The following MINDY2 variants were observed in gnomAD, a reference collection of about 807,000 sequenced individuals.
The protein encoded by MINDY2 is ubiquitin carboxyl-terminal hydrolase MINDY-2.
Under a neutral mutation model 68.2 loss-of-function variants are expected in MINDY2, and 52 were observed. The observed-to-expected ratio is 0.76, with a 90% confidence interval of 0.61 to 0.96. The LOEUF (loss-of-function observed/expected upper bound fraction) is 0.96. Among genes scored for constraint, MINDY2 ranks in the 40% least tolerant of loss-of-function variants. The pLI, the probability that MINDY2 is intolerant of heterozygous loss-of-function variation, is 0.00. For missense variants in MINDY2, 881 were observed against 773.4 expected (o/e 1.14, Z -1.65); for synonymous variants, 372 against 303.0 (o/e 1.23, Z -2.36).
At chr15:58,832,187 GA>G (rs1204793654) in intron 6 of MINDY2, among the ~76,000 whole-genome samples, 3 of 147,476 alleles carry the variant, frequency 2.0e-5, no homozygotes, top group African/African-American at 5.0e-5. Context: ...CTTTCTGAGA[GA>G]AAAAAAAGAT....
At chr15:58,847,619 C>T (rs1444124585) in intron 7 of MINDY2, 149 bp downstream of exon 7, 1 of 595,862 alleles carries the variant, frequency 1.7e-6, no homozygotes, top group East Asian at 2.8e-5. Context: ...GGTGATCATT[C>T]TACATGTACA....
At chr15:58,778,736 C>T (rs1428982049) in intron 1 of MINDY2, among the ~76,000 whole-genome samples, 1 of 151,804 alleles carries the variant, frequency 6.6e-6, no homozygotes, top group Non-Finnish European at 1.5e-5. Flanking sequence ...AAGCAATCCT[C>T]CCACCTCAGC....
At chr15:58,837,830 A>G (rs1403399640) in intron 6 of MINDY2, among the ~76,000 whole-genome samples, 1 of 151,828 alleles carries the variant, frequency 6.6e-6, no homozygotes, top group Non-Finnish European at 1.5e-5. Context: ...TTAGCCAGGC[A>G]TGGTGGTGTG....
chr15:58,846,732 A>G (rs1235116247), intron 6 of MINDY2, among the ~76,000 whole-genome samples: 1 of 152,184 alleles, frequency 6.6e-6, no homozygotes, highest in African/African-American at 2.4e-5. Flanking sequence ...TACAATCAAT[A>G]CTGGGCAATT....
In MINDY2 at chr15:58,771,972, A is replaced by G; in HGVS notation, c.577A>G (p.Ser193Gly). The G allele has an allele frequency of 6.3e-7, 1 of 1,576,704 alleles. No homozygotes were observed. The highest frequency in any genetic ancestry group is 8.6e-7 in the Non-Finnish European group (1 of 1,163,322). ...TTTTCCCAGTAGCTGCGAGTTCAAT[A>G]GTGAGGAGGGAGCGGAGAACAGGGT... The part of the protein sequence containing the change: ...HSFPSSCEFN[S>G]EEGAENRVPE... Residue 193 changes from serine to glycine, a missense_variant, in exon 1 of 9, where the codon AGT (serine) becomes GGT (glycine). Physicochemically the swap from Ser to Gly is moderately conservative, Grantham distance 56. Transcript: ENST00000559228.
chr15:58,828,575 CTTTTT>C (rs1163905877), intron 5 of MINDY2, among the ~76,000 whole-genome samples: 1 of 106,140 alleles, frequency 9.4e-6, no homozygotes, highest in East Asian at 2.7e-4. Flanking sequence ...TATTGAATTT[CTTTTT>C]TTTTTTTTTT....
At chr15:58,783,389 G>A (rs1475196179) in intron 1 of MINDY2, among the ~76,000 whole-genome samples, 1 of 152,130 alleles carries the variant, frequency 6.6e-6, no homozygotes, top group Non-Finnish European at 1.5e-5. Flanking sequence ...TTGGCTAGTA[G>A]TAATTTTTGT....
chr15:58,776,471 G>A (rs1399790288), intron 1 of MINDY2, among the ~76,000 whole-genome samples: 2 of 152,140 alleles, frequency 1.3e-5, no homozygotes, highest in Non-Finnish European at 2.9e-5. Context: ...TAGAAATAGG[G>A]CAATGTCATG....
At chr15:58,827,719 CG>C (rs1336554146) in intron 5 of MINDY2, among the ~76,000 whole-genome samples, 4 of 151,910 alleles carry the variant, frequency 2.6e-5, no homozygotes, top group Non-Finnish European at 4.4e-5. Flanking sequence ...CCCAAAGTGC[CG>C]GGATTACAGG....
intron 1 of MINDY2, among the ~76,000 whole-genome samples, chr15:58,778,925 C>A (rs1166349835): frequency 6.7e-6 from 1 of 148,828 alleles, no homozygotes; most frequent in Non-Finnish European, 1.5e-5. Context: ...CAGTTTCCGG[C>A]TAATTTTTGT....
At chr15:58,832,357 G>A (rs1196642552) in intron 6 of MINDY2, among the ~76,000 whole-genome samples, 2 of 151,016 alleles carry the variant, frequency 1.3e-5, no homozygotes, top group Non-Finnish European at 2.9e-5. Flanking sequence ...TTCCCGAGTA[G>A]CTGGGATTAC....
intron 3 of MINDY2, among the ~76,000 whole-genome samples, chr15:58,802,975 T>C (rs780930651): frequency 3.9e-5 from 6 of 152,182 alleles, no homozygotes; most frequent in Non-Finnish European, 8.8e-5. Context: ...CAAGAAGGAA[T>C]TGGCTTCTTA....
At chr15:58,775,784 C>T (rs746232920) in intron 1 of MINDY2, among the ~76,000 whole-genome samples, 7 of 151,904 alleles carry the variant, frequency 4.6e-5, no homozygotes, top group Admixed American at 1.3e-4. Flanking sequence ...TTGGAAATGT[C>T]CAGTGGGGGG....
chr15:58,791,171 C>T (rs1901864819), intron 2 of MINDY2, among the ~76,000 whole-genome samples: 1 of 114,878 alleles, frequency 8.7e-6, no homozygotes, highest in Non-Finnish European at 2.0e-5. Context: ...CAGAGTGAGA[C>T]TCCTTCTCAA....
At chr15:58,779,852 C>T (rs1901020039) in intron 1 of MINDY2, among the ~76,000 whole-genome samples, 1 of 152,234 alleles carries the variant, frequency 6.6e-6, no homozygotes, top group South Asian at 2.1e-4. Context: ...TTTTCTTCTC[C>T]CCTTGGTATG....
chr15:58,853,829 A>T (rs2032951320), intron 8 of MINDY2, among the ~76,000 whole-genome samples: 2 of 145,778 alleles, frequency 1.4e-5, no homozygotes, highest in Non-Finnish European at 1.5e-5. Context: ...TAAAAAAAAA[A>T]AAAAAAAAAA....
chr15:58,786,953 C>T (rs1901544052), intron 1 of MINDY2, among the ~76,000 whole-genome samples: 1 of 152,130 alleles, frequency 6.6e-6, no homozygotes, highest in African/African-American at 2.4e-5. Flanking sequence ...CCTCAGCCTC[C>T]CAAGTAGCTG....
At chr15:58,845,171 C>G (rs569684621) in intron 6 of MINDY2, among the ~76,000 whole-genome samples, 1 of 151,958 alleles carries the variant, frequency 6.6e-6, no homozygotes, top group African/African-American at 2.4e-5. Context: ...TTTGGGAGGC[C>G]CAGGTGGGCA....
chr15:58,788,336 A>G (rs1324772014), intron 2 of MINDY2, among the ~76,000 whole-genome samples: 1 of 152,210 alleles, frequency 6.6e-6, no homozygotes, highest in Non-Finnish European at 1.5e-5. Flanking sequence ...GAGCAGTGCT[A>G]CCGAAAGTGT....
Sources: allele counts gnomAD v4.1 joint callset (sites outside exome capture counted in the v4.1 genomes callset), GRCh38; gene constraint gnomAD v4.1.1; transcripts MANE v1.5; gene names NCBI Gene and HGNC (gene_info 2026-07-23, HGNC 2026-07-21).